ABHD12: variants seen among roughly 807,000 people sequenced by gnomAD.
ABHD12 encodes the protein abhydrolase domain containing 12, lysophospholipase, also known as lysophosphatidylserine lipase ABHD12.
Under a neutral mutation model 58.3 loss-of-function variants are expected in ABHD12, and 43 were observed. The observed-to-expected ratio is 0.74, with a 90% CI of 0.58 to 0.95. The LOEUF is 0.95. Among genes scored for constraint, ABHD12 ranks in the 40% least tolerant of loss-of-function variants. The probability of loss-of-function intolerance (pLI) is 0.00; values close to 1 mark genes in which losing one functional copy is unlikely to be tolerated. For missense variants in ABHD12, 539 were observed against 537.2 expected (o/e 1.00, Z -0.03); for synonymous variants, 219 against 211.2 (o/e 1.04, Z -0.32).
rs775690672 is a variant in ABHD12, at chr20:25,390,507, C to A, written c.191+6G>T. ...CCCCCCCCCCCCGCTCCGCGCGAAG[C>A]CTCACCTGCCCAGCGCCCGCTTCAT... On this transcript the variant is annotated splice_donor_region_variant and intron_variant, in intron 1 of 12. Coordinates refer to ENST00000339157, the MANE Select transcript of ABHD12 (RefSeq NM_001042472.3). The A allele has an allele frequency of 8.3e-6, 12 of 1,440,556 alleles. No homozygotes were observed. The highest frequency in any genetic ancestry group is 1.1e-5 in the Non-Finnish European group (12 of 1,101,004). 89.2% of individuals were successfully genotyped at this position (1,440,556 alleles called of 1,614,324 possible).
intron 12 of ABHD12, 103 bp downstream of exon 12, chr20:25,302,116 A>ACTGAGGCCCC: frequency 6.4e-7 from 1 of 1,554,780 alleles, no homozygotes; most frequent in South Asian, 1.1e-5. Flanking sequence ...TCTTGGCCCC[A>ACTGAGGCCCC]CTGAGGCCCC....
At chr20:25,383,630 C>A (rs1413025540) in intron 1 of ABHD12, among the ~76,000 whole-genome samples, 3 of 152,040 alleles carry the variant, frequency 2.0e-5, no homozygotes, top group Non-Finnish European at 4.4e-5. Flanking sequence ...ACCAGCCTGG[C>A]CAATATGGTG....
intron 1 of ABHD12, among the ~76,000 whole-genome samples, chr20:25,382,718 T>C (rs998797175): frequency 6.6e-6 from 1 of 152,074 alleles, no homozygotes; most frequent in Non-Finnish European, 1.5e-5. Context: ...CCCTCACAGT[T>C]CAGGCCTGTC....
intron 1 of ABHD12, among the ~76,000 whole-genome samples, chr20:25,350,405 C>T (rs1045815867): frequency 6.6e-6 from 1 of 152,132 alleles, no homozygotes; most frequent in African/African-American, 2.4e-5. Flanking sequence ...ATAACTGAAT[C>T]ATGGGGACAG....
chr20:25,302,271 CAAGGTCTGAATGA>C lies in ABHD12; in HGVS notation c.1092_1104del (p.Phe364LeufsTer18). On this transcript the variant is annotated frameshift_variant, in exon 12 of 13. Coordinates refer to ENST00000339157, the MANE Select transcript of ABHD12 (RefSeq NM_001042472.3). LOFTEE classifies it high-confidence loss of function. ...TTGTAAATGTATTTGTGCCTGTAGC[CAAGGTCTGAATGA>C]AAGGGCACAAACTGAACTTTGAAAT... 1 of 1,613,822 alleles carries C rather than the reference CAAGGTCTGAATGA, an allele frequency of 6.2e-7. No individual in the cohort carries two copies. Among genetic ancestry groups the C allele is most frequent in the Non-Finnish European group, 8.5e-7 (1 of 1,180,018 alleles).
chr20:25,335,019 A>T (rs2089339850), intron 2 of ABHD12, among the ~76,000 whole-genome samples: 1 of 152,058 alleles, frequency 6.6e-6, no homozygotes, highest in South Asian at 2.1e-4. Flanking sequence ...TGAATAGGCA[A>T]CCTACAAAAT....
chr20:25,388,348 G>A (rs548402697), intron 1 of ABHD12, among the ~76,000 whole-genome samples: 6 of 152,298 alleles, frequency 3.9e-5, no homozygotes, highest in Admixed American at 6.5e-5. Flanking sequence ...AGGTACTGGA[G>A]ATACTTAAGT....
chr20:25,331,304 G>A (rs1032731127), intron 2 of ABHD12, among the ~76,000 whole-genome samples: 6 of 152,202 alleles, frequency 3.9e-5, no homozygotes, highest in Non-Finnish European at 5.9e-5. Flanking sequence ...ATGGGACTAT[G>A]TGAAAAGACC....
In ABHD12 at chr20:25,390,736, C is replaced by T. The variant is rs1205631946; in HGVS notation, c.-33G>A. ...CCGACAGGGCCAGCCGCCGACGGCG[C>T]CCGCTGGCCTGCGCCGCAGTGCCGC... On this transcript the variant is annotated 5_prime_UTR_variant, in exon 1 of 13. Transcript: ENST00000339157. The T allele has an allele frequency of 6.5e-6, 8 of 1,238,740 alleles. 1 individual carries two copies. The African/African-American group carries it at 1.1e-4, about 16-fold the overall frequency. The allele number at this position is 1,238,740 out of a possible 1,614,324, so 76.7% of individuals were successfully genotyped here. A position where few individuals can be genotyped will look rare whatever the true frequency, so the allele number is the denominator to read the frequency against.
intron 1 of ABHD12, among the ~76,000 whole-genome samples, chr20:25,341,828 T>C (rs539767327): frequency 1.3e-5 from 2 of 151,972 alleles, no homozygotes; most frequent in East Asian, 1.9e-4. Context: ...GAAAAGCCCA[T>C]TAAAAAGAAA....
At chr20:25,303,225 C>T in intron 11 of ABHD12, 1 of 1,218,576 alleles carries the variant, frequency 8.2e-7, no homozygotes, top group East Asian at 5.0e-5. Flanking sequence ...CCCAGGTTGG[C>T]CTGGGCTCTG....
intron 1 of ABHD12, among the ~76,000 whole-genome samples, chr20:25,341,284 C>T (rs1172241957): frequency 6.6e-6 from 1 of 152,198 alleles, no homozygotes; most frequent in Non-Finnish European, 1.5e-5. Context: ...GGTTACTGCC[C>T]AGGGTGATCT....
downstream of ABHD12, chr20:25,295,797 A>C (rs1334670493): frequency 9.4e-6 from 10 of 1,062,856 alleles, no homozygotes; most frequent in Non-Finnish European, 1.4e-5. Context: ...TGTGATTCTG[A>C]TCTGTCATCA....
chr20:25,313,839 T>G (rs947299461), intron 6 of ABHD12, among the ~76,000 whole-genome samples: 1 of 152,144 alleles, frequency 6.6e-6, no homozygotes, highest in Non-Finnish European at 1.5e-5. Flanking sequence ...ACACCAAGTA[T>G]TTCTGTTGCC....
downstream of ABHD12, chr20:25,296,417 G>A (rs200407106): frequency 2.9e-5 from 46 of 1,613,980 alleles, no homozygotes; most frequent in Admixed American, 3.5e-4. Flanking sequence ...TCGCCTGCTC[G>A]GGCAAGTTCT....
In ABHD12 at chr20:25,350,992, CACACACACACACACACA is replaced by C. The variant is rs1412480930; in HGVS notation, c.192-11658_192-11642del. 5.7e-4 allele frequency among the ~76,000 whole-genome samples: 84 copies of C among 146,506 alleles called. 1 individual carries two copies. The highest frequency in any genetic ancestry group is 6.8e-3 in the Middle Eastern group (2 of 292). The stretch of plus-strand genomic sequence containing the variant: ...ACACACACACACACACACACACACA[CACACACACACACACACA>C]CCCTTATTAAGCTGGTATATAAACC... On this transcript the variant is annotated intron_variant, in intron 1 of 12. Transcript: ENST00000339157.
At chr20:25,339,559 G>A in intron 1 of ABHD12, 2 of 1,420,538 alleles carry the variant, frequency 1.4e-6, no homozygotes, top group Non-Finnish European at 1.9e-6. Context: ...GAACTCTACT[G>A]GGGGTAAGAG....
intron 1 of ABHD12, among the ~76,000 whole-genome samples, chr20:25,343,669 T>C (rs1435065105): frequency 6.6e-6 from 1 of 152,144 alleles, no homozygotes; most frequent in Non-Finnish European, 1.5e-5. Context: ...CTGGGTGTGG[T>C]GGCAGGCATC....
At chr20:25,344,665 C>A (rs552078481) in intron 1 of ABHD12, among the ~76,000 whole-genome samples, 53 of 152,194 alleles carry the variant, frequency 3.5e-4, no homozygotes, top group Non-Finnish European at 6.5e-4. Flanking sequence ...ACAAACTGAT[C>A]CTAAAGTTTA....
Sources: allele counts gnomAD v4.1 joint callset (sites outside exome capture counted in the v4.1 genomes callset), GRCh38; gene constraint gnomAD v4.1.1; transcripts MANE v1.5; gene names NCBI Gene and HGNC (gene_info 2026-07-23, HGNC 2026-07-21).